The following PLPPR1 variants were observed in gnomAD, a reference collection of about 807,000 sequenced individuals.
The protein encoded by PLPPR1 is phospholipid phosphatase related 1, also known as phospholipid phosphatase-related protein type 1.
PLPPR1 carries 10 observed loss-of-function variants against 33.1 expected under a neutral mutation model. The ratio of observed to expected loss-of-function variants is 0.30; its 90% confidence interval spans 0.19 to 0.51. PLPPR1 has a LOEUF of 0.51. Ranked by LOEUF, PLPPR1 falls within the 20% of genes least tolerant of loss-of-function variation. PLPPR1 has a pLI of 0.97. For missense variants in PLPPR1, 304 were observed against 408.1 expected (o/e 0.74, Z 2.20); for synonymous variants, 151 against 151.0 (o/e 1.00, Z 0.00).
chr9:101,211,277 A>G (rs1195867927), intron 2 of PLPPR1, among the ~76,000 whole-genome samples: 1 of 152,232 alleles, frequency 6.6e-6, no homozygotes, highest in Non-Finnish European at 1.5e-5. Flanking sequence ...AGATGAACAC[A>G]AAACATTTCA....
intron 7 of PLPPR1, among the ~76,000 whole-genome samples, chr9:101,318,160 A>G (rs1183071800): frequency 1.3e-5 from 2 of 152,182 alleles, no homozygotes; most frequent in Non-Finnish European, 2.9e-5. Flanking sequence ...ACAAGTCACC[A>G]TCTTTACTAA....
intron 1 of PLPPR1, among the ~76,000 whole-genome samples, chr9:101,065,201 A>G (rs199622212): frequency 6.6e-6 from 1 of 152,114 alleles, no homozygotes; most frequent in South Asian, 2.1e-4. Context: ...TATACAGGCC[A>G]GTAAGGAATT....
chr9:101,118,735 A>G (rs901527842), intron 1 of PLPPR1, among the ~76,000 whole-genome samples: 1 of 152,232 alleles, frequency 6.6e-6, no homozygotes, highest in South Asian at 2.1e-4. Flanking sequence ...TTATCCCCAC[A>G]GTCCTAATTA....
intron 1 of PLPPR1, among the ~76,000 whole-genome samples, chr9:101,081,420 C>G (rs1435529210): frequency 6.6e-6 from 1 of 152,066 alleles, no homozygotes; most frequent in African/African-American, 2.4e-5. Context: ...GTCTGGAACT[C>G]CTGACCTCAT....
In PLPPR1 at chr9:101,266,016, G is replaced by A. The variant is rs184851332; in HGVS notation, c.64-3864G>A. 2.4e-4 allele frequency among the ~76,000 whole-genome samples: 36 copies of A among 152,000 alleles called. No homozygotes were observed. In the East Asian group the frequency reaches 6.6e-3, roughly 28 times the overall value. On this transcript the variant is annotated intron_variant, in intron 2 of 7. Coordinates refer to ENST00000374874, the MANE Select transcript of PLPPR1 (RefSeq NM_207299.2). ...GCCTCAAAAAAAAAAGGTCACAGGA[G>A]AATGTTCAATAGAAAATCAACTAGA...
At chr9:101,120,406 T>C (rs1456942505) in intron 1 of PLPPR1, among the ~76,000 whole-genome samples, 1 of 152,236 alleles carries the variant, frequency 6.6e-6, no homozygotes, top group Non-Finnish European at 1.5e-5. Flanking sequence ...ATCTTATCAA[T>C]GTCTTTATCC....
At chr9:101,306,241 A>T (rs1047378069) in intron 4 of PLPPR1, among the ~76,000 whole-genome samples, 1 of 152,234 alleles carries the variant, frequency 6.6e-6, no homozygotes, top group Non-Finnish European at 1.5e-5. Context: ...ACACCCCAGC[A>T]GGAACACGAT....
At chr9:101,231,279 TAA>T (rs5899436) in intron 2 of PLPPR1, among the ~76,000 whole-genome samples, 1 of 147,030 alleles carries the variant, frequency 6.8e-6, no homozygotes, top group Admixed American at 6.8e-5. Context: ...GTGCCCCAAT[TAA>T]AAAAAAAACA....
intron 1 of PLPPR1, among the ~76,000 whole-genome samples, chr9:101,178,929 A>G (rs900324566): frequency 6.6e-6 from 1 of 152,170 alleles, no homozygotes; most frequent in Non-Finnish European, 1.5e-5. Flanking sequence ...TAGAGGTCTT[A>G]GTTCCAGAGG....
intron 2 of PLPPR1, among the ~76,000 whole-genome samples, chr9:101,206,222 T>C (rs1445376443): frequency 1.3e-5 from 2 of 152,208 alleles, no homozygotes; most frequent in African/African-American, 2.4e-5. Context: ...AATACAACAA[T>C]TATCTGTGAA....
At chr9:101,242,836 T>G (rs1827502166) in intron 2 of PLPPR1, among the ~76,000 whole-genome samples, 1 of 152,060 alleles carries the variant, frequency 6.6e-6, no homozygotes, top group Admixed American at 6.6e-5. Context: ...ACTTGGCAAC[T>G]TTCCTTGAGG....
At chr9:101,227,657 T>A (rs1476134055) in intron 2 of PLPPR1, among the ~76,000 whole-genome samples, 1 of 152,226 alleles carries the variant, frequency 6.6e-6, no homozygotes, top group African/African-American at 2.4e-5. Context: ...AGGCTATACA[T>A]AATTTCATTT....
intron 1 of PLPPR1, among the ~76,000 whole-genome samples, chr9:101,095,072 A>G (rs1253325261): frequency 6.6e-6 from 1 of 152,142 alleles, no homozygotes; most frequent in Non-Finnish European, 1.5e-5. Context: ...GTCAGTGTTT[A>G]TATAGTTGTC....
chr9:101,073,870 T>A (rs1442072597), intron 1 of PLPPR1, among the ~76,000 whole-genome samples: 1 of 151,898 alleles, frequency 6.6e-6, no homozygotes, highest in Non-Finnish European at 1.5e-5. Context: ...TCTATATGAA[T>A]CTGTTTTATG....
At chr9:101,163,237 A>T (rs535397260) in intron 1 of PLPPR1, among the ~76,000 whole-genome samples, 3 of 152,160 alleles carry the variant, frequency 2.0e-5, no homozygotes, top group Admixed American at 6.6e-5. Flanking sequence ...GTGTCTGAAC[A>T]CTCCACGACA....
intron 2 of PLPPR1, among the ~76,000 whole-genome samples, chr9:101,227,331 T>C (rs768940215): frequency 1.3e-5 from 2 of 152,338 alleles, no homozygotes; most frequent in South Asian, 2.1e-4. Context: ...TCTGGACTTT[T>C]TAATAATCGC....
At chr9:101,192,083 T>TA (rs1229123535) in intron 2 of PLPPR1, among the ~76,000 whole-genome samples, 2 of 152,188 alleles carry the variant, frequency 1.3e-5, no homozygotes, top group Admixed American at 6.5e-5. Context: ...GGCCAGAACT[T>TA]AAAGAATTCC....
intron 2 of PLPPR1, among the ~76,000 whole-genome samples, chr9:101,194,220 C>T (rs1253811269): frequency 6.6e-6 from 1 of 152,124 alleles, no homozygotes; most frequent in African/African-American, 2.4e-5. Context: ...AATAATTGCT[C>T]AAGTACTTAC....
intron 2 of PLPPR1, among the ~76,000 whole-genome samples, chr9:101,237,979 CTATATA>C (rs367867610): frequency 4.9e-4 from 39 of 79,408 alleles, no homozygotes; most frequent in East Asian, 4.4e-3. Flanking sequence ...GCTATATAGC[CTATATA>C]TATATATATA....
Sources: gnomAD v4.1 joint callset for allele counts (sites outside exome capture counted in the v4.1 genomes callset) on GRCh38, gnomAD v4.1.1 for gene constraint, MANE v1.5 for transcripts, NCBI Gene and HGNC (gene_info 2026-07-23, HGNC 2026-07-21) for gene names.